DGKB: variants seen among roughly 807,000 people sequenced by gnomAD.
DGKB encodes the protein diacylglycerol kinase beta.
In DGKB, 67 loss-of-function variants were observed where a neutral mutation model predicts 114.3. The ratio of observed to expected loss-of-function variants is 0.59; its 90% CI spans 0.48 to 0.72. DGKB has a LOEUF of 0.72. Ranked by LOEUF, DGKB falls within the 30% of genes least tolerant of loss-of-function variation. The pLI is 0.00. For synonymous variants in DGKB, 398 were observed against 323.1 expected, an observed-to-expected ratio of 1.23 and a Z score of -2.49; for missense variants, 907 against 975.2, an observed-to-expected ratio of 0.93 and a Z score of 0.93.
intron 21 of DGKB, among the ~76,000 whole-genome samples, chr7:14,418,133 T>G (rs564385448): frequency 6.9e-6 from 1 of 145,734 alleles, no homozygotes; most frequent in South Asian, 2.1e-4. Context: ...TTTAAAAATA[T>G]ATATTTTATA....
chr7:14,859,108 G>T (rs979699083), intron 1 of DGKB, among the ~76,000 whole-genome samples: 1 of 152,220 alleles, frequency 6.6e-6, no homozygotes, highest in Non-Finnish European at 1.5e-5. Context: ...AGGAGCAAAA[G>T]AGAGAACAGG....
chr7:14,367,825 C>A (rs577200146), intron 21 of DGKB, among the ~76,000 whole-genome samples: 44 of 151,744 alleles, frequency 2.9e-4, no homozygotes, highest in Non-Finnish European at 5.6e-4. Context: ...GGGAAACTGC[C>A]AAACACTGTT....
At chr7:14,764,036 T>TC (rs1836097219) in intron 2 of DGKB, among the ~76,000 whole-genome samples, 1 of 151,836 alleles carries the variant, frequency 6.6e-6, no homozygotes, top group African/African-American at 2.4e-5. Flanking sequence ...AATCTAAGCC[T>TC]CCCCACATAG....
intron 1 of DGKB, among the ~76,000 whole-genome samples, chr7:14,899,577 T>C (rs1782656021): frequency 6.6e-6 from 1 of 152,116 alleles, no homozygotes; most frequent in South Asian, 2.1e-4. Context: ...TGTGTTTAGA[T>C]CTTCCAACTT....
intron 5 of DGKB, among the ~76,000 whole-genome samples, chr7:14,735,756 T>C (rs1302834273): frequency 6.6e-6 from 1 of 152,242 alleles, no homozygotes; most frequent in African/African-American, 2.4e-5. Context: ...TATCTAGTTA[T>C]TTAACAAGAG....
At chr7:14,725,737 G>A (rs746310025) in intron 5 of DGKB, among the ~76,000 whole-genome samples, 1 of 151,908 alleles carries the variant, frequency 6.6e-6, no homozygotes, top group East Asian at 1.9e-4. Context: ...TGGTAGAGAC[G>A]GAGTTTCACC....
At chr7:14,443,722 T>A (rs554899270) in intron 21 of DGKB, among the ~76,000 whole-genome samples, 1 of 152,200 alleles carries the variant, frequency 6.6e-6, no homozygotes, top group South Asian at 2.1e-4. Context: ...TAAGACAAAT[T>A]TGAAAATTTT....
At chr7:14,516,219 T>C (rs893653236) in intron 20 of DGKB, among the ~76,000 whole-genome samples, 1 of 152,194 alleles carries the variant, frequency 6.6e-6, no homozygotes, top group Non-Finnish European at 1.5e-5. Flanking sequence ...TTATGAGTAA[T>C]ATGTTGTTGG....
rs34641587 is a variant in DGKB at position 14,451,545 on chromosome 7, G to GTCTCTCTCTCTC, written c.1835+26604_1835+26615dup. On this transcript the variant is annotated intron_variant, in intron 21 of 25. Coordinates refer to ENST00000402815, the MANE Select transcript of DGKB (RefSeq NM_001350709.2). ...TTCCTTATAATAAATCTCTCTATCT[G>GTCTCTCTCTCTC]TCTCTCTCTCTCTCTCTCTCTCTCT... Among the ~76,000 whole-genome samples the GTCTCTCTCTCTC allele has an allele frequency of 8.5e-3, 1,199 of 141,118 alleles. 29 individuals carry two copies. The highest frequency in any genetic ancestry group is 0.047 in the Admixed American group (656 of 13,994). 92.6% of individuals were successfully genotyped at this position (141,118 alleles called of 152,430 possible). A position where few individuals can be genotyped will look rare whatever the true frequency, so the allele number is the denominator to read the frequency against.
At chr7:14,578,728 C>A (rs963643397) in intron 19 of DGKB, among the ~76,000 whole-genome samples, 12 of 152,196 alleles carry the variant, frequency 7.9e-5, no homozygotes, top group Non-Finnish European at 1.5e-4. Context: ...TATAGTTCTG[C>A]ATGTTTTCAC....
chr7:14,647,320 AG>A (rs1306246432), intron 13 of DGKB, among the ~76,000 whole-genome samples: 1 of 152,148 alleles, frequency 6.6e-6, no homozygotes, highest in East Asian at 1.9e-4. Context: ...AGAAATAAAA[AG>A]TCTCCCAAAA....
At chr7:14,335,278 A>G (rs1264307963) in intron 23 of DGKB, among the ~76,000 whole-genome samples, 1 of 152,202 alleles carries the variant, frequency 6.6e-6, no homozygotes, top group African/African-American at 2.4e-5. Context: ...TTAAAATAAA[A>G]GAGTAAACTT....
intron 23 of DGKB, among the ~76,000 whole-genome samples, chr7:14,320,538 G>A (rs1025060104): frequency 3.3e-5 from 5 of 150,604 alleles, no homozygotes; most frequent in Admixed American, 1.3e-4. Flanking sequence ...CCGCATATGC[G>A]GTACATATAT....
intron 1 of DGKB, among the ~76,000 whole-genome samples, chr7:14,958,038 A>G (rs912130858): frequency 1.3e-5 from 2 of 152,080 alleles, no homozygotes; most frequent in Non-Finnish European, 2.9e-5. Flanking sequence ...AATCTGTTAT[A>G]TCTTATATGT....
chr7:14,850,886 C>T (rs1217598075), intron 1 of DGKB, among the ~76,000 whole-genome samples: 1 of 152,168 alleles, frequency 6.6e-6, no homozygotes, highest in Non-Finnish European at 1.5e-5. Context: ...CATCCTCATT[C>T]AGTTTCTGAG....
At chr7:14,755,622 GC>G (rs2128443290) in intron 3 of DGKB, among the ~76,000 whole-genome samples, 1 of 152,170 alleles carries the variant, frequency 6.6e-6, no homozygotes, top group South Asian at 2.1e-4. Context: ...TAGGAATTCT[GC>G]CATATTGTAA....
At chr7:14,447,591 A>C (rs1424656115) in intron 21 of DGKB, among the ~76,000 whole-genome samples, 2 of 152,142 alleles carry the variant, frequency 1.3e-5, no homozygotes, top group Non-Finnish European at 1.5e-5. Flanking sequence ...TGGTATATTC[A>C]TGTTTAGTTT....
At chr7:14,777,211 G>T (rs560605200) in intron 2 of DGKB, among the ~76,000 whole-genome samples, 2 of 152,144 alleles carry the variant, frequency 1.3e-5, no homozygotes, top group East Asian at 3.9e-4. Flanking sequence ...TGATTTTATA[G>T]GCTCATAAGC....
chr7:14,621,555 A>T, intron 14 of DGKB, 61 bp from the exon 15 acceptor site: 3 of 1,053,340 alleles, frequency 2.8e-6, no homozygotes, highest in South Asian at 1.5e-5. Flanking sequence ...TAAAATGTTA[A>T]GTTGTTTTTA....
Sources: allele counts gnomAD v4.1 joint callset (sites outside exome capture counted in the v4.1 genomes callset), GRCh38; gene constraint gnomAD v4.1.1; transcripts MANE v1.5; gene names NCBI Gene and HGNC (gene_info 2026-07-23, HGNC 2026-07-21).